Variants in BCAS3 observed in about 807,000 individuals in gnomAD.
BCAS3 encodes BCAS3 microtubule associated cell migration factor.
Under a neutral mutation model 116.1 loss-of-function variants are expected in BCAS3, and 53 were observed. That is an observed-to-expected ratio of 0.46 (90% CI 0.37 to 0.57). The LOEUF (loss-of-function observed/expected upper bound fraction) is 0.57. Among genes scored for constraint, BCAS3 ranks in the 20% least tolerant of loss-of-function variants. The pLI is 0.00. For missense variants in BCAS3, 917 were observed against 1,165.4 expected (o/e 0.79, Z 3.10); for synonymous variants, 391 against 408.2 (o/e 0.96, Z 0.51).
At chr17:60,992,404 G>C (rs535872091) in intron 15 of BCAS3, among the ~76,000 whole-genome samples, 1 of 152,032 alleles carries the variant, frequency 6.6e-6, no homozygotes, top group Non-Finnish European at 1.5e-5. Flanking sequence ...TTTAACTAGT[G>C]ACCCATGATA....
intron 22 of BCAS3, among the ~76,000 whole-genome samples, chr17:61,212,901 A>C (rs745461093): frequency 6.6e-6 from 1 of 152,184 alleles, no homozygotes; most frequent in Non-Finnish European, 1.5e-5. Flanking sequence ...ATTTGCCTGT[A>C]TCTATATGAG....
At position 61,388,647 on chromosome 17, in the gene BCAS3, C is replaced by G; in HGVS notation, c.2594-3330C>G. ...AAAAAAAGGAAAAAAAAAACAATGC[C>G]AACAGCCCAGCGTCCGTGAGCAACC... On this transcript the variant is annotated intron_variant, in intron 23 of 23. Transcript: ENST00000407086. The surrounding 1 kb of genome is among the most constrained non-coding windows in gnomAD (Gnocchi z 6.5). 1 of 1,542,270 alleles carries G rather than the reference C, an allele frequency of 6.5e-7. No homozygotes were observed. The highest frequency in any genetic ancestry group is 1.2e-5 in the South Asian group (1 of 84,124).
At chr17:60,896,480 T>C (rs1434675547) in intron 10 of BCAS3, among the ~76,000 whole-genome samples, 1 of 152,220 alleles carries the variant, frequency 6.6e-6, no homozygotes, top group African/African-American at 2.4e-5. Flanking sequence ...ATATTTGCTT[T>C]AGGAATCTGT....
Position 61,243,712 on chromosome 17 carries a change from A to G in BCAS3, c.2426-124615A>G, listed in dbSNP as rs2082741276. On this transcript the variant is annotated intron_variant, in intron 22 of 23. Transcript: ENST00000407086. This position sits in a 1 kb window ranked among gnomAD's most constrained non-coding sequence, Gnocchi z 5.6. ...CAGTTCCCTGCCAGAAATATCCATC[A>G]TGGACGAAGTGACTGCTAGAGACTT... is the stretch of plus-strand genomic sequence containing the variant. Among the ~76,000 whole-genome samples the G allele has an allele frequency of 6.6e-6, 1 of 152,218 alleles. No homozygotes were observed. Among genetic ancestry groups the G allele is most frequent in the South Asian group, 2.1e-4 (1 of 4,836 alleles).
rs1379530842 is a variant in BCAS3 at position 61,276,854 on chromosome 17, A to T, written c.2426-91473A>T. Among the ~76,000 whole-genome samples the T allele has an allele frequency of 6.6e-6, 1 of 152,246 alleles. No homozygotes were observed. The highest frequency in any genetic ancestry group is 1.5e-5 in the Non-Finnish European group (1 of 68,042). On this transcript the variant is annotated intron_variant, in intron 22 of 23. Transcript: ENST00000407086. This position sits in a 1 kb window ranked among gnomAD's most constrained non-coding sequence, Gnocchi z 4.2. ...CAGTGTGGTACTGGCATAAGGATAG[A>T]CATATACCATAATGGAATAGAATTG...
chr17:61,387,515 C>T lies in BCAS3; in HGVS notation c.2594-4462C>T, dbSNP rs1378990897. Among the ~76,000 whole-genome samples the T allele has an allele frequency of 2.6e-5, 4 of 152,164 alleles. No individual in the cohort carries two copies. The highest frequency in any genetic ancestry group is 6.5e-5 in the Admixed American group (1 of 15,288). ...CCTGAGAACAGTAGTGCCAAGGATC[C>T]GGCTGTCTCATCCTTCACTTGTTTC... On this transcript the variant is annotated intron_variant, in intron 23 of 23. Transcript: ENST00000407086. This position sits in a 1 kb window ranked among gnomAD's most constrained non-coding sequence, Gnocchi z 6.2.
At chr17:61,109,293 G>C (rs1328707455) in intron 22 of BCAS3, among the ~76,000 whole-genome samples, 1 of 151,296 alleles carries the variant, frequency 6.6e-6, no homozygotes, top group Non-Finnish European at 1.5e-5. Flanking sequence ...TTGTGTGTGT[G>C]TGTGTGTGTG....
At chr17:60,795,346 G>T (rs2047118628) in intron 6 of BCAS3, among the ~76,000 whole-genome samples, 1 of 152,086 alleles carries the variant, frequency 6.6e-6, no homozygotes, top group East Asian at 1.9e-4. Flanking sequence ...CAAGGTAAAT[G>T]ATCATATTGT....
chr17:61,336,538 C>T (rs2056740136), intron 22 of BCAS3, among the ~76,000 whole-genome samples: 1 of 152,228 alleles, frequency 6.6e-6, no homozygotes, highest in African/African-American at 2.4e-5. Context: ...ACGCTGGCAG[C>T]AGCCTTGCCA....
rs2057417363 is a variant in BCAS3, at chr17:61,344,990, T to C, written c.2426-23337T>C. Among the ~76,000 whole-genome samples, 1 of 152,080 alleles carries C rather than the reference T, an allele frequency of 6.6e-6. No individual in the cohort carries two copies. Among genetic ancestry groups the C allele is most frequent in the South Asian group, 2.1e-4 (1 of 4,824 alleles). ...AAAATAGCCACTCTGTCCCTTCTCATGCGGAGGAAGCACAGGGTAATCTGG... is the reference window on the plus strand; with the variant it reads ...AAAATAGCCACTCTGTCCCTTCTCACGCGGAGGAAGCACAGGGTAATCTGG... On this transcript the variant is annotated intron_variant, in intron 22 of 23. Coordinates refer to ENST00000407086, the MANE Select transcript of BCAS3 (RefSeq NM_017679.5). The surrounding 1 kb of genome is among the most constrained non-coding windows in gnomAD (Gnocchi z 4.1).
intron 7 of BCAS3, chr17:60,810,654 C>A: frequency 1.5e-6 from 1 of 675,420 alleles, no homozygotes; most frequent in South Asian, 1.4e-5. Context: ...CTGCTGATGA[C>A]TTTAGAGTCA....
At chr17:61,110,984 C>G (rs2075049623) in intron 22 of BCAS3, among the ~76,000 whole-genome samples, 1 of 152,172 alleles carries the variant, frequency 6.6e-6, no homozygotes, top group African/African-American at 2.4e-5. Flanking sequence ...ACACTGACAC[C>G]TCACACAGCA....
At chr17:61,176,477 C>G (rs1208283738) in intron 22 of BCAS3, among the ~76,000 whole-genome samples, 2 of 151,030 alleles carry the variant, frequency 1.3e-5, no homozygotes, top group African/African-American at 2.4e-5. Flanking sequence ...CCTGTCCCCC[C>G]ATTGTCAGTG....
chr17:60,742,012 AT>A lies in BCAS3; in HGVS notation c.322-5184del, dbSNP rs369445453. Among the ~76,000 whole-genome samples the A allele has an allele frequency of 1.2e-3, 190 of 152,236 alleles. 1 individual carries two copies. In the South Asian group the frequency reaches 0.015, roughly 12 times the overall value. On this transcript the variant is annotated intron_variant, in intron 5 of 23. Coordinates refer to ENST00000407086, the MANE Select transcript of BCAS3 (RefSeq NM_017679.5). ...ATCCTGCATTTTTTTTAACTCATTG[AT>A]TAGGGATTTGGGATGTTATTATAGC... is the stretch of plus-strand genomic sequence containing the variant.
At chr17:61,049,976 G>A (rs552060847) in intron 19 of BCAS3, among the ~76,000 whole-genome samples, 45 of 151,892 alleles carry the variant, frequency 3.0e-4, no homozygotes, top group African/African-American at 1.0e-3. Flanking sequence ...TCAGATGATC[G>A]TCTACCTCGG....
chr17:61,270,810 T>G (rs544165290), intron 22 of BCAS3, among the ~76,000 whole-genome samples: 1 of 152,152 alleles, frequency 6.6e-6, no homozygotes, highest in African/African-American at 2.4e-5. Context: ...TGGTGCAATC[T>G]CGGCTCACCG....
chr17:60,902,980 T>G (rs954986772), intron 11 of BCAS3, among the ~76,000 whole-genome samples: 3 of 152,220 alleles, frequency 2.0e-5, no homozygotes, highest in African/African-American at 4.8e-5. Flanking sequence ...TTTCAGAGTC[T>G]TCTTCTCATG....
intron 12 of BCAS3, among the ~76,000 whole-genome samples, chr17:60,916,648 ATGTG>A (rs1310440684): frequency 6.6e-6 from 1 of 152,192 alleles, no homozygotes; most frequent in Non-Finnish European, 1.5e-5. Flanking sequence ...GTGTTGACCG[ATGTG>A]TGTGTAAGAA....
rs372166016 is a variant in BCAS3, at chr17:61,391,999, C to T, written c.2616C>T (p.Ile872=). The T allele has an allele frequency of 1.9e-4, 311 of 1,613,800 alleles. No individual in the cohort carries two copies. The African/African-American group carries it at 3.5e-3, about 18-fold the overall frequency. ...CAGAACTTCAGCGAGAGGGAAGCAT[C>T]GAGACTCTGAGTAACAGCTCAGGCT... The part of the protein sequence containing the change: ...SGTELQREGS[I]ETLSNSSGST... Residue 872 remains isoleucine (I), a synonymous_variant, in exon 24 of 24, where the codon ATC becomes ATT. Transcript: ENST00000407086. This position sits in a 1 kb window ranked among gnomAD's most constrained non-coding sequence, Gnocchi z 7.7.
Sources: allele counts gnomAD v4.1 joint callset (sites outside exome capture counted in the v4.1 genomes callset), GRCh38; gene constraint gnomAD v4.1.1; non-coding constraint Gnocchi (gnomAD v3.1); transcripts MANE v1.5; gene names NCBI Gene and HGNC (gene_info 2026-07-23, HGNC 2026-07-21).